MTA1: variants seen among roughly 807,000 people sequenced by gnomAD.
The protein encoded by MTA1 is metastasis-associated protein MTA1.
A neutral mutation model predicts 97.0 loss-of-function variants in MTA1; 15 were observed. That is an observed-to-expected ratio of 0.15 (90% CI 0.10 to 0.24). The LOEUF (loss-of-function observed/expected upper bound fraction) is 0.24, where lower values mean the gene tolerates loss of function less well. Among genes scored for constraint, MTA1 ranks in the 10% least tolerant of loss-of-function variants. MTA1 has a pLI of 1.00. For missense variants in MTA1, 709 were observed against 1,015.1 expected, an observed-to-expected ratio of 0.70 and a Z score of 4.10; for synonymous variants, 435 against 417.5, an observed-to-expected ratio of 1.04 and a Z score of -0.51.
chr14:105,442,555 T>C (rs8009236), intron 2 of MTA1, among the ~76,000 whole-genome samples: 146,420 of 151,222 alleles, frequency 0.97, 71,066 homozygotes, highest in East Asian at 1. Flanking sequence ...CGATTGTTAA[T>C]CTCAGGAAGC....
chr14:105,420,163 C>T lies in MTA1; in HGVS notation c.28+100C>T, dbSNP rs1480523417. 33 of 593,318 alleles carry T rather than the reference C, an allele frequency of 5.6e-5. No homozygotes were observed. The highest frequency in any genetic ancestry group is 6.3e-5 in the Admixed American group (1 of 15,802). The allele number at this position is 593,318 out of a possible 1,614,324, so 36.8% of individuals were successfully genotyped here. A position where few individuals can be genotyped will look rare whatever the true frequency, so the allele number is the denominator to read the frequency against. ...GCCCCTCTGCCCCGCAGGCCCCGCG[C>T]CCCCCGCCCGCCCTCGCGGCCCCCG... On this transcript the variant is annotated intron_variant, in intron 1 of 20. Transcript: ENST00000331320. This position sits in a 1 kb window ranked among gnomAD's most constrained non-coding sequence, Gnocchi z 5.3.
intron 8 of MTA1, 21 bp downstream of exon 8, chr14:105,458,393 A>G (rs1447392960): frequency 7.5e-6 from 12 of 1,604,646 alleles, no homozygotes; most frequent in Non-Finnish European, 1.0e-5. Context: ...CTCCTGGGCA[A>G]GGCCAGCAGG....
chr14:105,436,609 C>T (rs79312730), intron 1 of MTA1, among the ~76,000 whole-genome samples: 6,152 of 152,224 alleles, frequency 0.04, 405 homozygotes, highest in African/African-American at 0.14. Context: ...GAGGGCCTTC[C>T]GGTGCTGCAG....
chr14:105,467,120 G>A lies in MTA1; in HGVS notation c.1813+378G>A, dbSNP rs918988794. ...CCGTGCGCCTGCCAGGCGGGACAGTGGGGAGGGTGGTCGGGGGTGTCTGTG... is the reference window on the plus strand; with the variant it reads ...CCGTGCGCCTGCCAGGCGGGACAGTAGGGAGGGTGGTCGGGGGTGTCTGTG... On this transcript the variant is annotated intron_variant, in intron 18 of 20. Transcript: ENST00000331320. 1.3e-4 allele frequency: 53 copies of A among 404,358 alleles called. 1 individual carries two copies. Among genetic ancestry groups the A allele is most frequent in the South Asian group, 2.1e-4 (10 of 46,796 alleles). The allele number at this position is 404,358 out of a possible 1,614,324, so 25.0% of individuals were successfully genotyped here. A position where few individuals can be genotyped will look rare whatever the true frequency, so the allele number is the denominator to read the frequency against.
At chr14:105,445,671 C>T (rs1025908850) in intron 3 of MTA1, 160 bp downstream of exon 3, 9 of 783,694 alleles carry the variant, frequency 1.1e-5, no homozygotes, top group Admixed American at 8.1e-5. Flanking sequence ...CCACAGTGGG[C>T]GGGGGTGTCC....
rs782155667 is a variant in MTA1, at chr14:105,420,006, C to T, written c.-30C>T. On this transcript the variant is annotated 5_prime_UTR_variant, in exon 1 of 21. Transcript: ENST00000331320. This position sits in a 1 kb window ranked among gnomAD's most constrained non-coding sequence, Gnocchi z 5.3. The stretch of plus-strand genomic sequence containing the variant: ...GCCCGCGCCGAGCGCCGCGCCCGCC[C>T]CGGGCCCCTCCGCCGCCGCCGGCCC... The T allele has an allele frequency of 1.3e-4, 140 of 1,043,592 alleles. No individual in the cohort carries two copies. The highest frequency in any genetic ancestry group is 1.6e-4 in the Non-Finnish European group (137 of 866,630). The allele number at this position is 1,043,592 out of a possible 1,614,324, so 64.6% of individuals were successfully genotyped here.
chr14:105,463,477 T>C lies in MTA1; in HGVS notation c.1018-16T>C, dbSNP rs2083441033. The C allele has an allele frequency of 1.2e-6, 2 of 1,612,814 alleles. No individual in the cohort carries two copies. Among genetic ancestry groups the C allele is most frequent in the Non-Finnish European group, 1.7e-6 (2 of 1,179,826 alleles). ...GGCCTAGCCTGCTGACCTCTGACCT[T>C]CTCTTTTGTTTTAAGAAACGCTTGA... is the stretch of plus-strand genomic sequence containing the variant. On this transcript the variant is annotated splice_polypyrimidine_tract_variant and intron_variant, in intron 11 of 20. Coordinates refer to ENST00000331320, the MANE Select transcript of MTA1 (RefSeq NM_004689.4). The surrounding 1 kb of genome is among the most constrained non-coding windows in gnomAD (Gnocchi z 5.9).
At chr14:105,425,189 G>GC (rs1257514906) in intron 1 of MTA1, among the ~76,000 whole-genome samples, 136 of 152,342 alleles carry the variant, frequency 8.9e-4, no homozygotes, top group African/African-American at 3.2e-3. Flanking sequence ...AGGGAGGGTG[G>GC]CCCCCCTTCC....
chr14:105,448,879 C>T lies in MTA1; in HGVS notation c.191-480C>T, dbSNP rs587629508. Among the ~76,000 whole-genome samples, 20 of 152,388 alleles carry T rather than the reference C, an allele frequency of 1.3e-4. No homozygotes were observed. In the East Asian group the frequency reaches 3.7e-3, roughly 28 times the overall value. The stretch of plus-strand genomic sequence containing the variant: ...CCTTGGGCTCAGAGAGCCGGCAGGG[C>T]GCTGAGCGGGATGAGTGGCCCACTG... On this transcript the variant is annotated intron_variant, in intron 3 of 20. Coordinates refer to ENST00000331320, the MANE Select transcript of MTA1 (RefSeq NM_004689.4).
At position 105,438,697 on chromosome 14, in the gene MTA1, C is replaced by T. The variant is rs782413108; in HGVS notation, c.54C>T (p.Ser18=). 3.1e-6 allele frequency: 5 copies of T among 1,613,348 alleles called. No homozygotes were observed. The highest frequency in any genetic ancestry group is 4.5e-5 in the East Asian group (2 of 44,880). The change falls in exon 2 of 21, where the codon TCC becomes TCT. Residue 18 remains serine, a synonymous_variant. Transcript: ENST00000331320. The stretch of plus-strand genomic sequence containing the variant: ...ACTACGTCTACTTTGAGAACTCCTC[C>T]AGCAACCCATACCTGATCCGGAGAA... ...VGDYVYFENS[S]SNPYLIRRIE...
chr14:105,425,605 C>G (rs1319865127), intron 1 of MTA1, among the ~76,000 whole-genome samples: 1 of 152,156 alleles, frequency 6.6e-6, no homozygotes, highest in African/African-American at 2.4e-5. Flanking sequence ...CTCCAAATGT[C>G]TTTCCTCGTG....
chr14:105,454,514 G>C, intron 7 of MTA1: 1 of 508,384 alleles, frequency 2.0e-6, no homozygotes, highest in Non-Finnish European at 3.6e-6. Context: ...TCCTGGTGGT[G>C]TTGGGGTTCT....
At chr14:105,465,324 G>T in intron 16 of MTA1, 141 bp downstream of exon 16, 2 of 676,838 alleles carry the variant, frequency 3.0e-6, no homozygotes, top group Non-Finnish European at 4.5e-6. Context: ...TCCTTTTGGG[G>T]TACTCTGCAC....
chr14:105,454,249 T>C lies in MTA1; in HGVS notation c.489T>C (p.Asp163=). The change falls in exon 7 of 21, where the codon GAT becomes GAC. Residue 163 remains aspartate (D), a synonymous_variant. Coordinates refer to ENST00000331320, the MANE Select transcript of MTA1 (RefSeq NM_004689.4). Reference sequence around the variant, plus strand: ...CACAGCAGAAGACCCTGCTGGCAGATAAAGGAGAGATTCGAGTAGGAAACC... The same window carrying C: ...CACAGCAGAAGACCCTGCTGGCAGACAAAGGAGAGATTCGAGTAGGAAACC... ...YDPQQKTLLA[D]KGEIRVGNRY... 6.2e-7 allele frequency: 1 copy of C among 1,613,650 alleles called. No individual in the cohort carries two copies.
Position 105,441,664 on chromosome 14 carries a change from G to C in MTA1, c.96+2925G>C, listed in dbSNP as rs587638922. 5.3e-5 allele frequency among the ~76,000 whole-genome samples: 8 copies of C among 152,258 alleles called. No individual in the cohort carries two copies. The East Asian group carries it at 7.7e-4, about 15-fold the overall frequency. On this transcript the variant is annotated intron_variant, in intron 2 of 20. Transcript: ENST00000331320. ...AAAAAATTAGCCGGGCGTGGTGGCG[G>C]GCGCCTGTGATCCCAGCTACTCGGG...
rs782215764 is a variant in MTA1, at chr14:105,432,341, A to G, written c.29-6331A>G. Among the ~76,000 whole-genome samples the G allele has an allele frequency of 2.4e-4, 36 of 152,176 alleles. 1 individual carries two copies. The highest frequency in any genetic ancestry group is 3.8e-4 in the Non-Finnish European group (26 of 68,008). ...CCGCAACCTCTGCCTCCTGGGTTCA[A>G]GCAATTATCCTGCCTCAGCCTCCCA... On this transcript the variant is annotated intron_variant, in intron 1 of 20. Coordinates refer to ENST00000331320, the MANE Select transcript of MTA1 (RefSeq NM_004689.4).
chr14:105,426,330 C>T (rs1177064115), intron 1 of MTA1, among the ~76,000 whole-genome samples: 2 of 148,610 alleles, frequency 1.3e-5, no homozygotes, highest in South Asian at 2.1e-4. Flanking sequence ...GCCGAGATCA[C>T]GCCACTGCAC....
intron 1 of MTA1, among the ~76,000 whole-genome samples, chr14:105,425,848 CG>C (rs1478673346): frequency 6.6e-6 from 1 of 151,934 alleles, no homozygotes; most frequent in African/African-American, 2.4e-5. Flanking sequence ...AATGTGCCCC[CG>C]GCACCCCCGA....
chr14:105,455,570 C>T (rs1393486753), intron 7 of MTA1, among the ~76,000 whole-genome samples: 3 of 152,098 alleles, frequency 2.0e-5, no homozygotes, highest in Non-Finnish European at 2.9e-5. Flanking sequence ...GTTTTGAGAG[C>T]GGGTCTTGCT....
Sources: allele counts gnomAD v4.1 joint callset (sites outside exome capture counted in the v4.1 genomes callset), GRCh38; gene constraint gnomAD v4.1.1; non-coding constraint Gnocchi (gnomAD v3.1); transcripts MANE v1.5; gene names NCBI Gene and HGNC (gene_info 2026-07-23, HGNC 2026-07-21).